FIGNL2: variants seen among roughly 807,000 people sequenced by gnomAD.
FIGNL2 encodes the protein fidgetin like 2.
For missense variants in FIGNL2, 1,060 were observed against 950.2 expected, an observed-to-expected ratio of 1.12 and a Z score of -1.52; for synonymous variants, 565 against 484.0, an observed-to-expected ratio of 1.17 and a Z score of -2.20.
intron 1 of FIGNL2, among the ~76,000 whole-genome samples, chr12:51,825,115 T>G (rs1212090121): frequency 6.6e-6 from 1 of 151,986 alleles, no homozygotes; most frequent in Non-Finnish European, 1.5e-5. Flanking sequence ...AAATCTGTTT[T>G]TTTTTTTCTA....
rs527303845 is a variant in FIGNL2 at position 51,832,243 on chromosome 12, C to A, written c.-11-9819G>T. The stretch of plus-strand genomic sequence containing the variant: ...TGTTGGCCAGGCTGGTCTTGAACTC[C>A]TGACCTTAGGTGGTCCACCTGCCTT... On this transcript the variant is annotated intron_variant, in intron 1 of 1. Coordinates refer to ENST00000618634, the MANE Select transcript of FIGNL2 (RefSeq NM_001384995.1). Among the ~76,000 whole-genome samples, 5 of 152,218 alleles carry A rather than the reference C, an allele frequency of 3.3e-5. No individual in the cohort carries two copies. In the South Asian group the frequency reaches 1.0e-3, roughly 32 times the overall value.
chr12:51,835,054 G>T (rs183951394), intron 1 of FIGNL2, among the ~76,000 whole-genome samples: 14 of 152,230 alleles, frequency 9.2e-5, no homozygotes, highest in African/African-American at 3.1e-4. Flanking sequence ...GCTCTCCAAG[G>T]TGCCTCAAAG....
In FIGNL2 at chr12:51,821,470, C is replaced by T. The variant is rs1464309746; in HGVS notation, c.944G>A (p.Gly315Glu). Residue 315 changes from glycine to glutamate, a missense_variant, in exon 2 of 2, where the codon GGA becomes GAA. By Grantham distance (98) the Gly-to-Glu change is moderately conservative. Coordinates refer to ENST00000618634, the MANE Select transcript of FIGNL2 (RefSeq NM_001384995.1). Reference sequence around the variant, plus strand: ...CTTGCCCGACGCCTCCTCCGCGGCTCCTGGCGGCTTGGCCCGGAACCCGTT... The same window carrying T: ...CTTGCCCGACGCCTCCTCCGCGGCTTCTGGCGGCTTGGCCCGGAACCCGTT... ...RGNGFRAKPPGAAEEASGKYG... is the reference protein window; with the variant it reads ...RGNGFRAKPPEAAEEASGKYG... 3.2e-6 allele frequency: 5 copies of T among 1,545,470 alleles called. No individual in the cohort carries two copies. Among genetic ancestry groups the T allele is most frequent in the East Asian group, 2.5e-5 (1 of 39,956 alleles).
intron 1 of FIGNL2, among the ~76,000 whole-genome samples, chr12:51,826,398 G>A (rs894926960): frequency 5.9e-5 from 9 of 152,028 alleles, no homozygotes; most frequent in Admixed American, 4.6e-4. Context: ...TGAGGCTGAG[G>A]CGGGTGGATC....
At position 51,821,406 on chromosome 12, in the gene FIGNL2, G is replaced by T. The variant is rs754956621; in HGVS notation, c.1008C>A (p.Pro336=). The change falls in exon 2 of 2, where the codon CCC becomes CCA. Residue 336 remains proline, a synonymous_variant. Coordinates refer to ENST00000618634, the MANE Select transcript of FIGNL2 (RefSeq NM_001384995.1). The part of the protein sequence containing the change: ...GGVPLKVLGS[P]VYGPQLEPFE... ...AGGGCTCCAGTTGCGGGCCGTAGAC[G>T]GGGGAGCCCAGGACCTTGAGGGGGA... 6.5e-7 allele frequency: 1 copy of T among 1,529,360 alleles called. No homozygotes were observed. Among genetic ancestry groups the T allele is most frequent in the Non-Finnish European group, 8.8e-7 (1 of 1,140,638 alleles). The allele number at this position is 1,529,360 out of a possible 1,614,324, so 94.7% of individuals were successfully genotyped here. A position where few individuals can be genotyped will look rare whatever the true frequency, so the allele number is the denominator to read the frequency against.
chr12:51,843,204 C>T (rs544047137), intron 1 of FIGNL2, among the ~76,000 whole-genome samples: 1 of 152,310 alleles, frequency 6.6e-6, no homozygotes, highest in South Asian at 2.1e-4. Flanking sequence ...CAGAGCCTTG[C>T]ACAGTACTGG....
intron 1 of FIGNL2, chr12:51,845,013 G>A: frequency 3.2e-6 from 1 of 316,698 alleles, no homozygotes; most frequent in South Asian, 1.2e-4. Flanking sequence ...CTTGACATAA[G>A]GTCCCCATGG....
intron 1 of FIGNL2, chr12:51,825,969 C>T (rs1339989122): frequency 6.6e-6 from 1 of 152,214 alleles, no homozygotes; most frequent in Non-Finnish European, 1.5e-5. Flanking sequence ...TTTGGCCCTT[C>T]ATTACCTGGC....
rs1277082177 is a variant in FIGNL2 at position 51,821,642 on chromosome 12, C to G, written c.772G>C (p.Gly258Arg). Residue 258 changes from glycine to arginine, a missense_variant, in exon 2 of 2, where the codon GGT becomes CGT. Coordinates refer to ENST00000618634, the MANE Select transcript of FIGNL2 (RefSeq NM_001384995.1). ...TTCAGCGACAGCCCGGATTCGGCAC[C>G]CGGCGCGGCCGTGGGGAAGCCATAG... The part of the protein sequence containing the change: ...TAYGFPTAAP[G>R]AESGLSLKRK... 1.4e-6 allele frequency: 2 copies of G among 1,476,246 alleles called. No homozygotes were observed. Among genetic ancestry groups the G allele is most frequent in the African/African-American group, 1.5e-5 (1 of 68,214 alleles). The allele number at this position is 1,476,246 out of a possible 1,614,324, so 91.4% of individuals were successfully genotyped here.
chr12:51,844,691 G>A (rs758051922), intron 1 of FIGNL2: 82 of 985,142 alleles, frequency 8.3e-5, no homozygotes, highest in African/African-American at 1.0e-4. Context: ...GAAACTGCTC[G>A]GAGAAGAGCA....
In FIGNL2 at chr12:51,820,815, G is replaced by T; in HGVS notation, c.1599C>A (p.Gly533=). Residue 533 remains glycine, a synonymous_variant, in exon 2 of 2, where the codon GGC becomes GGA. Coordinates refer to ENST00000618634, the MANE Select transcript of FIGNL2 (RefSeq NM_001384995.1). Reference sequence around the variant, plus strand: ...CCAGAGCCGCGGGCCGCGAGGTGGTGCCCACAACCAGCACGCCGTCAGCCC... The same window carrying T: ...CCAGAGCCGCGGGCCGCGAGGTGGTTCCCACAACCAGCACGCCGTCAGCCC... ...GAGADGVLVV[G]TTSRPAALDE... 1 of 1,471,182 alleles carries T rather than the reference G, an allele frequency of 6.8e-7. No individual in the cohort carries two copies. Among genetic ancestry groups the T allele is most frequent in the Admixed American group, 2.4e-5 (1 of 41,006 alleles). The allele number at this position is 1,471,182 out of a possible 1,614,324, so 91.1% of individuals were successfully genotyped here.
At chr12:51,832,399 C>G (rs1233862637) in intron 1 of FIGNL2, among the ~76,000 whole-genome samples, 1 of 152,034 alleles carries the variant, frequency 6.6e-6, no homozygotes, top group Non-Finnish European at 1.5e-5. Context: ...GCTACTGTTT[C>G]TTATTCCTGT....
rs747235240 is a variant in FIGNL2, at chr12:51,822,321, C to A, written c.93G>T (p.Lys31Asn). ...VSSTTPSPAH[K>N]LELPPGGRQR... ...GGCGACCCCCAGGGGGCAACTCCAA[C>A]TTGTGGGCCGGCGACGGGGTGGTGG... The change falls in exon 2 of 2, where the codon AAG (lysine) becomes AAT (asparagine). Residue 31 changes from lysine to asparagine, a missense_variant. By Grantham distance (94) the Lys-to-Asn change is moderately conservative (BLOSUM62 0). Coordinates refer to ENST00000618634, the MANE Select transcript of FIGNL2 (RefSeq NM_001384995.1). 6.2e-7 allele frequency: 1 copy of A among 1,613,010 alleles called. No individual in the cohort carries two copies. The highest frequency in any genetic ancestry group is 8.5e-7 in the Non-Finnish European group (1 of 1,179,576).
At chr12:51,839,988 CA>C (rs139264215) in intron 1 of FIGNL2, among the ~76,000 whole-genome samples, 5,680 of 152,360 alleles carry the variant, frequency 0.037, 131 homozygotes, top group South Asian at 0.063. Flanking sequence ...TTTTTGTCAG[CA>C]ATTACTTTTT....
At chr12:51,840,619 C>T (rs1191871998) in intron 1 of FIGNL2, among the ~76,000 whole-genome samples, 1 of 152,270 alleles carries the variant, frequency 6.6e-6, no homozygotes, top group Admixed American at 6.5e-5. Flanking sequence ...CCTGTAATCC[C>T]AGCTACTTGG....
chr12:51,837,462 G>T (rs966779322), intron 1 of FIGNL2, among the ~76,000 whole-genome samples: 9 of 152,142 alleles, frequency 5.9e-5, no homozygotes, highest in African/African-American at 1.9e-4. Context: ...GGGATGGGCT[G>T]GGGGGCTGCC....
intron 1 of FIGNL2, chr12:51,831,831 A>T (rs1285607742): frequency 6.5e-6 from 1 of 154,262 alleles, no homozygotes; most frequent in African/African-American, 2.4e-5. Flanking sequence ...GTTTTAGGAA[A>T]AAAAGCCCAA....
chr12:51,839,051 G>A (rs1056547813), intron 1 of FIGNL2, among the ~76,000 whole-genome samples: 4 of 152,004 alleles, frequency 2.6e-5, no homozygotes, highest in African/African-American at 9.7e-5. Flanking sequence ...GGAGCACCAG[G>A]GCCCTCCCAT....
At position 51,820,297 on chromosome 12, in the gene FIGNL2, G is replaced by GA. The variant is rs918494144; in HGVS notation, c.*154dup. Reference sequence around the variant, plus strand: ...CTGGCAGAAGCATTTTCCTTCCCACGAAAAAAAAAATATCCACCGGCAGAC... The same window carrying GA: ...CTGGCAGAAGCATTTTCCTTCCCACGAAAAAAAAAAATATCCACCGGCAGAC... On this transcript the variant is annotated 3_prime_UTR_variant, in exon 2 of 2. Transcript: ENST00000618634. 8.0e-3 allele frequency: 7,128 copies of GA among 889,806 alleles called. No homozygotes were observed. Among genetic ancestry groups the GA allele is most frequent in the Non-Finnish European group, 9.1e-3 (5,837 of 638,818 alleles). The allele number at this position is 889,806 out of a possible 1,614,324, so 55.1% of individuals were successfully genotyped here. A position where few individuals can be genotyped will look rare whatever the true frequency, so the allele number is the denominator to read the frequency against.
Sources: allele counts gnomAD v4.1 joint callset (sites outside exome capture counted in the v4.1 genomes callset), GRCh38; gene constraint gnomAD v4.1.1; transcripts MANE v1.5; gene names NCBI Gene and HGNC (gene_info 2026-07-23, HGNC 2026-07-21).